Variants in LRP1B observed in about 807,000 individuals in gnomAD.
LRP1B encodes low-density lipoprotein receptor-related protein 1B.
In LRP1B, 217 loss-of-function variants were observed where a neutral mutation model predicts 556.6. That is an observed-to-expected ratio of 0.39 (90% CI 0.35 to 0.44). LRP1B has a LOEUF of 0.44. Ranked by LOEUF, LRP1B falls within the 20% of genes least tolerant of loss-of-function variation. The probability of loss-of-function intolerance (pLI) is 1.00; values close to 1 mark genes in which losing one functional copy is unlikely to be tolerated. For missense variants in LRP1B, 5,053 were observed against 5,620.8 expected (o/e 0.90, Z 3.23); for synonymous variants, 2,047 against 1,865.8 (o/e 1.10, Z -2.50).
chr2:141,172,343 T>C (rs1680536017), intron 7 of LRP1B, among the ~76,000 whole-genome samples: 1 of 152,066 alleles, frequency 6.6e-6, no homozygotes, highest in Non-Finnish European at 1.5e-5. Flanking sequence ...AAAGACATAA[T>C]GCAATGTTCT....
At position 141,588,478 on chromosome 2, in the gene LRP1B, A is replaced by G. The variant is rs78029108; in HGVS notation, c.206-107945T>C. 3.5e-4 allele frequency among the ~76,000 whole-genome samples: 54 copies of G among 152,318 alleles called. No individual in the cohort carries two copies. The South Asian group carries it at 6.6e-3, about 19-fold the overall frequency. On this transcript the variant is annotated intron_variant, in intron 2 of 90. Coordinates refer to ENST00000389484, the MANE Select transcript of LRP1B (RefSeq NM_018557.3). ...GGCACAGAGTACCATATGAAACTCA[A>G]TCAAACTAATGTGTACCATAATGTT...
chr2:140,300,566 A>G (rs993285479), intron 83 of LRP1B, among the ~76,000 whole-genome samples: 1 of 152,172 alleles, frequency 6.6e-6, no homozygotes, highest in African/African-American at 2.4e-5. Flanking sequence ...ATCAGTTGAC[A>G]TTAGGAAAGA....
At chr2:140,290,409 G>T (rs1223734672) in intron 84 of LRP1B, among the ~76,000 whole-genome samples, 1 of 152,044 alleles carries the variant, frequency 6.6e-6, no homozygotes, top group East Asian at 1.9e-4. Flanking sequence ...CCTGAATGAA[G>T]ACAACACTTA....
At chr2:141,723,631 CTTTG>C (rs982319873) in intron 2 of LRP1B, among the ~76,000 whole-genome samples, 6 of 151,510 alleles carry the variant, frequency 4.0e-5, no homozygotes, top group African/African-American at 1.5e-4. Context: ...GTGACCTTGC[CTTTG>C]TTTATTATTT....
intron 1 of LRP1B, among the ~76,000 whole-genome samples, chr2:141,979,789 A>C (rs1227364979): frequency 6.6e-6 from 1 of 152,146 alleles, no homozygotes; most frequent in African/African-American, 2.4e-5. Context: ...ACACTGCCTC[A>C]GAACTGCTTA....
intron 6 of LRP1B, among the ~76,000 whole-genome samples, chr2:141,202,355 T>A (rs1682068771): frequency 6.6e-6 from 1 of 152,236 alleles, no homozygotes; most frequent in Non-Finnish European, 1.5e-5. Flanking sequence ...TTTGCTATTG[T>A]GAATAGTTCT....
At chr2:140,297,054 A>G (rs1056076001) in intron 84 of LRP1B, among the ~76,000 whole-genome samples, 4 of 152,088 alleles carry the variant, frequency 2.6e-5, no homozygotes, top group Non-Finnish European at 5.9e-5. Flanking sequence ...CAGTTGTGGG[A>G]GATGTGTTCA....
At chr2:140,280,425 G>A (rs1331896944) in intron 84 of LRP1B, among the ~76,000 whole-genome samples, 2 of 151,786 alleles carry the variant, frequency 1.3e-5, no homozygotes, top group Non-Finnish European at 2.9e-5. Context: ...ACATTGGTCA[G>A]TAGAAACAGT....
chr2:141,610,530 G>A (rs182594597), intron 2 of LRP1B, among the ~76,000 whole-genome samples: 1 of 152,012 alleles, frequency 6.6e-6, no homozygotes, highest in East Asian at 1.9e-4. Context: ...TTCTATGTCA[G>A]GTCAGCCAGT....
chr2:141,512,846 A>ATT (rs1424251123), intron 2 of LRP1B, among the ~76,000 whole-genome samples: 1 of 152,152 alleles, frequency 6.6e-6, no homozygotes, highest in Non-Finnish European at 1.5e-5. Flanking sequence ...TGTAATATGG[A>ATT]TTTTAACATT....
chr2:140,487,730 T>C lies in LRP1B; in HGVS notation c.9130A>G (p.Asn3044Asp), dbSNP rs1318926323. ...TAATCAAAGTCTATAGCAATAACAT[T>C]GTTTAATCCCTGAAAATAAAAAAGA... The part of the protein sequence containing the change: ...NYTLLKQGLN[N>D]VIAIDFDYRE... The change falls in exon 58 of 91, where the codon AAT becomes GAT. Residue 3044 changes from asparagine (N) to aspartate (D), a missense_variant. Physicochemically the swap from Asn to Asp is conservative, Grantham distance 23. Transcript: ENST00000389484. The C allele has an allele frequency of 2.0e-6, 3 of 1,534,740 alleles. No homozygotes were observed. The highest frequency in any genetic ancestry group is 1.8e-6 in the Non-Finnish European group (2 of 1,124,480).
intron 66 of LRP1B, among the ~76,000 whole-genome samples, chr2:140,408,402 G>T (rs1684838765): frequency 6.6e-6 from 1 of 151,958 alleles, no homozygotes; most frequent in Non-Finnish European, 1.5e-5. Context: ...GCGATCTTGT[G>T]AGCTCTGGGT....
At chr2:140,464,980 C>T (rs1014770239) in intron 60 of LRP1B, among the ~76,000 whole-genome samples, 9 of 152,236 alleles carry the variant, frequency 5.9e-5, no homozygotes, top group African/African-American at 2.2e-4. Context: ...TGGCATTAGA[C>T]CATTCTGGCA....
chr2:140,704,048 C>G (rs898874074), intron 37 of LRP1B, among the ~76,000 whole-genome samples: 2 of 152,114 alleles, frequency 1.3e-5, no homozygotes, highest in Non-Finnish European at 2.9e-5. Flanking sequence ...AATGGTAGCT[C>G]TGTTTTAAGT....
chr2:140,982,311 T>C (rs1406352498), intron 17 of LRP1B, 35 bp from the exon 18 acceptor site: 1 of 1,378,414 alleles, frequency 7.3e-7, no homozygotes, highest in East Asian at 2.3e-5. Context: ...AAAATCAATT[T>C]AGAGGCATTT....
chr2:140,429,034 TATAAG>T (rs1404102917), intron 66 of LRP1B, among the ~76,000 whole-genome samples: 1 of 152,082 alleles, frequency 6.6e-6, no homozygotes, highest in Admixed American at 6.6e-5. Context: ...AACCCACAAG[TATAAG>T]ATACCTCTAC....
intron 3 of LRP1B, among the ~76,000 whole-genome samples, chr2:141,285,193 G>C (rs771886174): frequency 1.3e-5 from 2 of 151,124 alleles, no homozygotes; most frequent in East Asian, 3.9e-4. Flanking sequence ...CGCCTCCCAG[G>C]TTCAAGCGAC....
At chr2:140,766,999 C>A (rs781316395) in intron 35 of LRP1B, among the ~76,000 whole-genome samples, 65 of 151,480 alleles carry the variant, frequency 4.3e-4, no homozygotes, top group Non-Finnish European at 8.3e-4. Context: ...TAAACATGCC[C>A]ACACCCCAAA....
intron 1 of LRP1B, among the ~76,000 whole-genome samples, chr2:141,990,379 G>T (rs1702310787): frequency 6.6e-6 from 1 of 151,936 alleles, no homozygotes; most frequent in Non-Finnish European, 1.5e-5. Flanking sequence ...TCTCTACATT[G>T]GAATTAAATC....
Sources: gnomAD v4.1 joint callset for allele counts (sites outside exome capture counted in the v4.1 genomes callset) on GRCh38, gnomAD v4.1.1 for gene constraint, MANE v1.5 for transcripts, NCBI Gene and HGNC (gene_info 2026-07-23, HGNC 2026-07-21) for gene names.